Variants in SOX6 observed in about 807,000 individuals in gnomAD.
SOX6 encodes SRY-box transcription factor 6, also known as transcription factor SOX-6.
In SOX6, 11 loss-of-function variants were observed where a neutral mutation model predicts 97.8. The ratio of observed to expected loss-of-function variants is 0.11; its 90% CI spans 0.07 to 0.19. The LOEUF is 0.19. Ranked by LOEUF, SOX6 falls within the 10% of genes least tolerant of loss-of-function variation. The pLI, the probability that SOX6 is intolerant of heterozygous loss-of-function variation, is 1.00. For synonymous variants in SOX6, 360 were observed against 371.4 expected, an observed-to-expected ratio of 0.97 and a Z score of 0.35; for missense variants, 810 against 1,039.5, an observed-to-expected ratio of 0.78 and a Z score of 3.04.
Position 16,066,849 on chromosome 11 carries a change from T to C in SOX6, c.1102-10948A>G, listed in dbSNP as rs138693206. On this transcript the variant is annotated intron_variant, in intron 9 of 15. Transcript: ENST00000683767. ...TAAGTTGATATCTCAACAGGGTGAC[T>C]ATAGTCATGCCCAAGGCCATAGGAG... Among the ~76,000 whole-genome samples, 802 of 152,272 alleles carry C rather than the reference T, an allele frequency of 5.3e-3. 7 individuals carry two copies. The highest frequency in any genetic ancestry group is 0.01 in the Middle Eastern group (3 of 294).
At chr11:16,601,621 T>G (rs1419942908) in intron 4 of SOX6, among the ~76,000 whole-genome samples, 1 of 152,100 alleles carries the variant, frequency 6.6e-6, no homozygotes, top group African/African-American at 2.4e-5. Flanking sequence ...TAAAAGTAGG[T>G]GTTAAAGCCA....
chr11:16,107,590 T>C (rs1043829291), intron 7 of SOX6, among the ~76,000 whole-genome samples: 8 of 151,164 alleles, frequency 5.3e-5, no homozygotes, highest in Non-Finnish European at 8.9e-5. Context: ...AATAAGCAAA[T>C]GCATAGAGAA....
chr11:16,625,221 A>G (rs1848607109), intron 3 of SOX6, among the ~76,000 whole-genome samples: 1 of 152,174 alleles, frequency 6.6e-6, no homozygotes, highest in Admixed American at 6.5e-5. Flanking sequence ...ATGTTGCAAG[A>G]TTGCAAAAGT....
chr11:16,028,850 C>A (rs1407307882), intron 12 of SOX6, among the ~76,000 whole-genome samples: 1 of 152,162 alleles, frequency 6.6e-6, no homozygotes, highest in Non-Finnish European at 1.5e-5. Context: ...AATCACCTGT[C>A]CTTCACAACT....
chr11:16,454,408 A>G (rs1859776016), intron 1 of SOX6, among the ~76,000 whole-genome samples: 1 of 152,082 alleles, frequency 6.6e-6, no homozygotes, highest in Non-Finnish European at 1.5e-5. Flanking sequence ...CTTATTAGCA[A>G]AGCAGGGTGC....
At chr11:16,121,565 T>C (rs1372089127) in intron 6 of SOX6, among the ~76,000 whole-genome samples, 1 of 152,012 alleles carries the variant, frequency 6.6e-6, no homozygotes, top group African/African-American at 2.4e-5. Context: ...TATCCAGTTT[T>C]CAGCTTACTT....
chr11:16,200,586 C>G (rs888042300), intron 4 of SOX6, among the ~76,000 whole-genome samples: 1 of 152,084 alleles, frequency 6.6e-6, no homozygotes, highest in Admixed American at 6.6e-5. Context: ...TAAATAGGAT[C>G]CTGTCTAAAT....
chr11:16,172,727 G>A (rs533989502), intron 6 of SOX6, among the ~76,000 whole-genome samples: 2 of 152,070 alleles, frequency 1.3e-5, no homozygotes, highest in African/African-American at 4.8e-5. Context: ...TGATAATCCT[G>A]AACAATAATC....
intron 3 of SOX6, among the ~76,000 whole-genome samples, chr11:16,250,433 T>A (rs72867977): frequency 1.5e-4 from 23 of 152,130 alleles, no homozygotes; most frequent in African/African-American, 5.5e-4. Context: ...AGAAAGATAG[T>A]AAAAAGCGAA....
At chr11:16,217,054 C>T (rs1265453543) in intron 4 of SOX6, among the ~76,000 whole-genome samples, 2 of 152,190 alleles carry the variant, frequency 1.3e-5, no homozygotes, top group Non-Finnish European at 2.9e-5. Flanking sequence ...CCAGAATGCT[C>T]AATGGATGTG....
intron 3 of SOX6, among the ~76,000 whole-genome samples, chr11:16,670,536 C>T (rs1007611477): frequency 6.6e-6 from 1 of 152,146 alleles, no homozygotes; most frequent in Non-Finnish European, 1.5e-5. Context: ...ACCCTAAGTG[C>T]TTTATTCACA....
chr11:16,501,476 A>C (rs1032911092), intron 4 of SOX6, among the ~76,000 whole-genome samples: 9 of 152,170 alleles, frequency 5.9e-5, no homozygotes, highest in African/African-American at 1.4e-4. Context: ...TAATTAAACT[A>C]AAGAGCTTCT....
At chr11:16,568,013 A>G (rs1445506765) in intron 4 of SOX6, among the ~76,000 whole-genome samples, 2 of 152,136 alleles carry the variant, frequency 1.3e-5, no homozygotes, top group Non-Finnish European at 2.9e-5. Flanking sequence ...TGGATGGCTA[A>G]GATAGTGACA....
chr11:16,189,545 G>T (rs2134110640), intron 4 of SOX6, among the ~76,000 whole-genome samples: 1 of 152,148 alleles, frequency 6.6e-6, no homozygotes. Context: ...ATTAGATTAG[G>T]CTAGAGAGCT....
chr11:16,272,142 T>C (rs983722317), intron 3 of SOX6, among the ~76,000 whole-genome samples: 1 of 151,580 alleles, frequency 6.6e-6, no homozygotes, highest in South Asian at 2.1e-4. Flanking sequence ...TTTCCAGGTA[T>C]AAAGACCTTT....
At chr11:16,468,583 T>G (rs1278748389) in intron 1 of SOX6, among the ~76,000 whole-genome samples, 1 of 152,160 alleles carries the variant, frequency 6.6e-6, no homozygotes, top group Non-Finnish European at 1.5e-5. Flanking sequence ...GCTTCTTTGA[T>G]CGGCACCCAA....
chr11:16,643,327 G>A (rs1350378656), intron 3 of SOX6, among the ~76,000 whole-genome samples: 2 of 152,190 alleles, frequency 1.3e-5, no homozygotes, highest in African/African-American at 4.8e-5. Flanking sequence ...TGCCCCTACT[G>A]GGGGGTGCCT....
chr11:16,245,749 T>G (rs1853316672), intron 3 of SOX6, among the ~76,000 whole-genome samples: 1 of 151,620 alleles, frequency 6.6e-6, no homozygotes, highest in African/African-American at 2.4e-5. Flanking sequence ...TAATATAGCC[T>G]TTTAAGCCTT....
At chr11:16,312,586 C>G (rs530324564) in intron 3 of SOX6, 2 of 152,172 alleles carry the variant, frequency 1.3e-5, no homozygotes, top group African/African-American at 4.8e-5. Flanking sequence ...ATTTAAATCA[C>G]GACAACAACC....
Sources: gnomAD v4.1 joint callset for allele counts (sites outside exome capture counted in the v4.1 genomes callset) on GRCh38, gnomAD v4.1.1 for gene constraint, MANE v1.5 for transcripts, NCBI Gene and HGNC (gene_info 2026-07-23, HGNC 2026-07-21) for gene names.